ERCC6: variants seen among roughly 807,000 people sequenced by gnomAD.
ERCC6 encodes the protein ERCC excision repair 6, chromatin remodeling factor.
In ERCC6, 116 loss-of-function variants were observed where a neutral mutation model predicts 158.7. The observed-to-expected ratio is 0.73, with a 90% CI of 0.63 to 0.85. The LOEUF (loss-of-function observed/expected upper bound fraction) is 0.85, where lower values mean the gene tolerates loss of function less well. ERCC6 is among the 40% of genes least tolerant of loss of function. ERCC6 has a pLI of 0.00. For missense variants in ERCC6, 1,698 were observed against 1,799.4 expected (o/e 0.94, Z 1.02); for synonymous variants, 678 against 659.3 (o/e 1.03, Z -0.43).
At chr10:49,448,814 C>T in the ERCC6 span, among the ~76,000 whole-genome samples, 1 of 152,156 alleles carries the variant, frequency 6.6e-6, no homozygotes, top group Non-Finnish European at 1.5e-5. Context: ...ATCCGTCCTT[C>T]ATTGCTTTTT....
intron 5 of ERCC6, chr10:49,506,564 C>T (rs1851447167): frequency 6.5e-6 from 1 of 154,312 alleles, no homozygotes; most frequent in Non-Finnish European, 1.4e-5. Context: ...CAGCAATATA[C>T]AAGCACTGAT....
intron 8 of ERCC6, among the ~76,000 whole-genome samples, chr10:49,491,147 G>A (rs1851167845): frequency 6.6e-6 from 1 of 152,096 alleles, no homozygotes; most frequent in South Asian, 2.1e-4. Context: ...TCAATAGTAA[G>A]GCCTATGGAA....
At chr10:49,506,104 C>T in intron 5 of ERCC6, 92 bp from the exon 6 acceptor site, 1 of 1,457,200 alleles carries the variant, frequency 6.9e-7, no homozygotes, top group Non-Finnish European at 9.5e-7. Flanking sequence ...AAAAAACAGG[C>T]AAATTAGAAC....
At position 49,524,535 on chromosome 10, in the gene ERCC6, G is replaced by C; in HGVS notation, c.895C>G (p.Pro299Ala). ...GGGGCTGGAGGCGTGACTGGGGCTG[G>C]AGCTTTTCTAGCTGCTCTTTTATTA... ...GCNKRAARKA[P>A]APVTPPAPVQ... The change falls in exon 5 of 21, where the codon CCA becomes GCA. Residue 299 changes from proline to alanine, a missense_variant. Physicochemically the swap from Pro to Ala is conservative, Grantham distance 27. Coordinates refer to ENST00000355832, the MANE Select transcript of ERCC6 (RefSeq NM_000124.4). 6.2e-7 allele frequency: 1 copy of C among 1,614,224 alleles called. No homozygotes were observed. The highest frequency in any genetic ancestry group is 8.5e-7 in the Non-Finnish European group (1 of 1,180,038).
At chr10:49,440,865 C>G in the ERCC6 span, among the ~76,000 whole-genome samples, 1 of 152,168 alleles carries the variant, frequency 6.6e-6, no homozygotes, top group Non-Finnish European at 1.5e-5. Context: ...TCTCTGTTAA[C>G]TACAGCAGAA....
At chr10:49,516,179 C>T (rs746998291) in intron 5 of ERCC6, 60 of 1,614,056 alleles carry the variant, frequency 3.7e-5, no homozygotes, top group East Asian at 8.9e-5. Context: ...TACCCTGATA[C>T]GGCTGAAACC....
upstream of ERCC6, chr10:49,539,171 G>A (rs975480959): frequency 2.0e-5 from 3 of 152,330 alleles, 1 homozygote; most frequent in South Asian, 6.2e-4. Context: ...AGACCACGTG[G>A]TTTGGAGGGA....
At chr10:49,477,230 T>G (rs530604017) in intron 11 of ERCC6, among the ~76,000 whole-genome samples, 70 of 152,162 alleles carry the variant, frequency 4.6e-4, no homozygotes, top group Admixed American at 8.5e-4. Context: ...TCAGGCATGA[T>G]TCCCTGGTTT....
chr10:49,463,958 C>T (rs1029448611), intron 18 of ERCC6, among the ~76,000 whole-genome samples: 2 of 152,102 alleles, frequency 1.3e-5, no homozygotes, highest in Non-Finnish European at 1.5e-5. Context: ...CTAATAAAGG[C>T]AACTGGTACC....
chr10:49,472,285 T>C, intron 16 of ERCC6, 91 bp downstream of exon 16: 2 of 1,084,374 alleles, frequency 1.8e-6, no homozygotes, highest in East Asian at 2.3e-5. Flanking sequence ...TATTCTAAGA[T>C]GTTAAGACTT....
chr10:49,459,332 T>C, intron 20 of ERCC6, 98 bp from the exon 21 acceptor site: 1 of 1,349,722 alleles, frequency 7.4e-7, no homozygotes, highest in East Asian at 2.3e-5. Flanking sequence ...ACAACACATG[T>C]GCCAGGGTGG....
At chr10:49,480,611 T>G (rs1212089943) in intron 10 of ERCC6, among the ~76,000 whole-genome samples, 1 of 152,192 alleles carries the variant, frequency 6.6e-6, no homozygotes, top group South Asian at 2.1e-4. Context: ...TCTCAAATAA[T>G]TTTTCTATAA....
rs759516851 is a variant in ERCC6, at chr10:49,532,641, T to A, written c.324A>T (p.Gly108=). The change falls in exon 2 of 21, where the codon GGA becomes GGT. Residue 108 remains glycine, a synonymous_variant. Coordinates refer to ENST00000355832, the MANE Select transcript of ERCC6 (RefSeq NM_000124.4). ...DVYDQDVLEQ[G]VLQQVDNAIH... ...TGGCATTGTCCACCTGCTGAAGCAC[T>A]CCCTGTTCCAGCACGTCCTGGTCAT... is the stretch of plus-strand genomic sequence containing the variant. The A allele has an allele frequency of 1.9e-6, 3 of 1,614,048 alleles. No individual in the cohort carries two copies. Among genetic ancestry groups the A allele is most frequent in the East Asian group, 2.2e-5 (1 of 44,892 alleles).
At position 49,460,374 on chromosome 10, in the gene ERCC6, T is replaced by C. The variant is rs1452760341; in HGVS notation, c.4061A>G (p.Gln1354Arg). The change falls in exon 20 of 21, where the codon CAG becomes CGG. Residue 1354 changes from glutamine (Q) to arginine (R), a missense_variant and splice_region_variant. Coordinates refer to ENST00000355832, the MANE Select transcript of ERCC6 (RefSeq NM_000124.4). ...AAGCAAAAAGGTTATCTATATTACCTGGCACTTCTCTGTTGGAGATGTTGA... is the reference window on the plus strand; with the variant it reads ...AAGCAAAAAGGTTATCTATATTACCCGGCACTTCTCTGTTGGAGATGTTGA... ...PSSTSPTEKC[Q>R]DGIMKKEGKD... 11 of 1,609,534 alleles carry C rather than the reference T, an allele frequency of 6.8e-6. No homozygotes were observed. The highest frequency in any genetic ancestry group is 9.4e-6 in the Non-Finnish European group (11 of 1,175,798).
chr10:49,539,420 A>G (rs1384747039), upstream of ERCC6: 1 of 152,312 alleles, frequency 6.6e-6, no homozygotes, highest in African/African-American at 2.4e-5. Flanking sequence ...TGGGCAGGGA[A>G]GTTAGCCGCA....
At chr10:49,524,804 G>C in intron 4 of ERCC6, 27 bp from the exon 5 acceptor site, 2 of 1,598,738 alleles carry the variant, frequency 1.3e-6, no homozygotes, top group Non-Finnish European at 1.7e-6. Flanking sequence ...AATGCGTTTC[G>C]CACTAGCATG....
downstream of ERCC6, among the ~76,000 whole-genome samples, chr10:49,450,566 C>T (rs948450479): frequency 2.6e-5 from 4 of 152,166 alleles, no homozygotes; most frequent in Non-Finnish European, 5.9e-5. Flanking sequence ...AGGGATTATG[C>T]TGAATCTGCA....
At chr10:49,515,125 T>G in intron 5 of ERCC6, 1 of 1,185,388 alleles carries the variant, frequency 8.4e-7, no homozygotes, top group Non-Finnish European at 1.1e-6. Context: ...CCCATTTATG[T>G]CTGAGGTTAC....
chr10:49,454,167 ATCTC>A (rs1196065340), downstream of ERCC6, among the ~76,000 whole-genome samples: 2 of 151,874 alleles, frequency 1.3e-5, no homozygotes, highest in Non-Finnish European at 2.9e-5. Flanking sequence ...TGGAAAGCAT[ATCTC>A]TCTTATTCTA....
Sources: gnomAD v4.1 joint callset for allele counts (sites outside exome capture counted in the v4.1 genomes callset) on GRCh38, gnomAD v4.1.1 for gene constraint, MANE v1.5 for transcripts, NCBI Gene and HGNC (gene_info 2026-07-23, HGNC 2026-07-21) for gene names.